SH3D19: variants seen among roughly 807,000 people sequenced by gnomAD.
SH3D19 encodes the protein SH3 domain containing 19, also known as SH3 domain-containing protein 19.
Under a neutral mutation model 112.1 loss-of-function variants are expected in SH3D19, and 58 were observed. The ratio of observed to expected loss-of-function variants is 0.52; its 90% CI spans 0.42 to 0.64. The LOEUF is 0.64. Ranked by LOEUF, SH3D19 falls within the 30% of genes least tolerant of loss-of-function variation. The pLI is 0.00. For missense variants in SH3D19, 1,090 were observed against 1,263.4 expected, an observed-to-expected ratio of 0.86 and a Z score of 2.08; for synonymous variants, 391 against 448.5, an observed-to-expected ratio of 0.87 and a Z score of 1.62.
intron 1 of SH3D19, among the ~76,000 whole-genome samples, chr4:151,264,307 T>C (rs1022205558): frequency 2.6e-5 from 4 of 151,116 alleles, no homozygotes; most frequent in African/African-American, 9.7e-5. Flanking sequence ...GGTGGGCGCC[T>C]GTAATCCCAG....
At chr4:151,215,259 A>G (rs1287813507) in intron 2 of SH3D19, among the ~76,000 whole-genome samples, 1 of 152,214 alleles carries the variant, frequency 6.6e-6, no homozygotes, top group Non-Finnish European at 1.5e-5. Context: ...TCAGTTTATA[A>G]GGCCTCTTCT....
intron 13 of SH3D19, among the ~76,000 whole-genome samples, chr4:151,138,686 TCACA>T (rs1177218801): frequency 0.066 from 3,547 of 53,964 alleles, 123 homozygotes; most frequent in African/African-American, 0.13. Context: ...AGATCTTGTC[TCACA>T]CACACACACA....
chr4:151,137,861 C>A lies in SH3D19; in HGVS notation c.2298G>T (p.Glu766Asp). Reference protein sequence around the residue: ...HAVVLHDFPAEQVDDLNLTSG... With the variant: ...HAVVLHDFPADQVDDLNLTSG... ...AAGTGAGGTTCAAATCATCAACTTG[C>A]TCTGTAATATAAAATTATAGTTATG... Residue 766 changes from glutamate (E) to aspartate (D), a missense_variant and splice_region_variant, in exon 14 of 20, where the codon GAG becomes GAT. Transcript: ENST00000604030. 2 of 1,592,314 alleles carry A rather than the reference C, an allele frequency of 1.3e-6. No individual in the cohort carries two copies. The highest frequency in any genetic ancestry group is 2.3e-5 in the South Asian group (2 of 86,496).
At chr4:151,221,852 AG>A (rs965981747) in intron 2 of SH3D19, among the ~76,000 whole-genome samples, 5 of 152,208 alleles carry the variant, frequency 3.3e-5, no homozygotes, top group African/African-American at 1.2e-4. Context: ...ACTTCACTTT[AG>A]GGTCAATAGA....
At position 151,143,966 on chromosome 4, in the gene SH3D19, G is replaced by A. The variant is rs1753464182; in HGVS notation, c.2167C>T (p.Leu723=). The stretch of plus-strand genomic sequence containing the variant: ...GGAGTGATAATCTTCATTTGAGACA[G>A]GTGAACTCTGCCAGTGTCTTCTCCC... The part of the protein sequence containing the change: ...QKGEDTGRVH[L]SQMKIITPLD... The change falls in exon 12 of 20, where the codon CTG becomes TTG. Residue 723 remains leucine (L), a synonymous_variant. Coordinates refer to ENST00000604030, the MANE Select transcript of SH3D19 (RefSeq NM_001378122.1). 1.9e-6 allele frequency: 3 copies of A among 1,614,082 alleles called. No homozygotes were observed. The highest frequency in any genetic ancestry group is 1.7e-5 in the Admixed American group (1 of 60,010).
chr4:151,157,427 TA>T (rs34435866), intron 9 of SH3D19, among the ~76,000 whole-genome samples: 29 of 146,498 alleles, frequency 2.0e-4, no homozygotes, highest in African/African-American at 4.6e-4. Context: ...ATCTAAAAGA[TA>T]AAAAAAAAAA....
chr4:151,200,687 C>T (rs1326930952), intron 2 of SH3D19, among the ~76,000 whole-genome samples: 4 of 152,116 alleles, frequency 2.6e-5, no homozygotes, highest in African/African-American at 7.2e-5. Context: ...CACGTTCAAC[C>T]TAAAAGCATG....
intron 1 of SH3D19, among the ~76,000 whole-genome samples, chr4:151,290,613 T>C (rs1775226598): frequency 6.6e-6 from 1 of 152,180 alleles, no homozygotes; most frequent in Non-Finnish European, 1.5e-5. Context: ...AAATGGGTTG[T>C]GGTGATGGTT....
chr4:151,313,975 G>A (rs1227381989), intron 1 of SH3D19, among the ~76,000 whole-genome samples: 1 of 152,162 alleles, frequency 6.6e-6, no homozygotes, highest in Non-Finnish European at 1.5e-5. Context: ...TCCACATCTT[G>A]TACAAACATT....
chr4:151,161,088 C>A (rs1259526706), intron 8 of SH3D19, among the ~76,000 whole-genome samples: 3 of 152,038 alleles, frequency 2.0e-5, no homozygotes, highest in Non-Finnish European at 4.4e-5. Flanking sequence ...CAGGGAGTAT[C>A]TGGTGTGAGT....
intron 1 of SH3D19, among the ~76,000 whole-genome samples, chr4:151,303,808 A>G (rs1301688927): frequency 6.6e-6 from 1 of 152,170 alleles, no homozygotes; most frequent in Non-Finnish European, 1.5e-5. Flanking sequence ...CAAGGTCTGA[A>G]TGAGGGGTTT....
intron 2 of SH3D19, among the ~76,000 whole-genome samples, chr4:151,221,693 A>G (rs1768082474): frequency 6.6e-6 from 1 of 152,182 alleles, no homozygotes; most frequent in East Asian, 1.9e-4. Flanking sequence ...GGGCCAGGCA[A>G]TCTACTAAGT....
intron 1 of SH3D19, among the ~76,000 whole-genome samples, chr4:151,228,470 T>C (rs963614605): frequency 1.3e-5 from 2 of 152,240 alleles, no homozygotes; most frequent in Non-Finnish European, 2.9e-5. Flanking sequence ...TAAATACATA[T>C]AAATAATGGG....
chr4:151,221,513 T>C (rs1430471244), intron 2 of SH3D19, among the ~76,000 whole-genome samples: 2 of 152,180 alleles, frequency 1.3e-5, no homozygotes, highest in Non-Finnish European at 2.9e-5. Flanking sequence ...TCCTTTCTTA[T>C]AGGGCATCAC....
chr4:151,248,123 T>G (rs6535779), intron 1 of SH3D19, among the ~76,000 whole-genome samples: 75,301 of 133,994 alleles, frequency 0.56, 19,003 homozygotes, highest in Non-Finnish European at 0.59. Context: ...ACTTTTTTTT[T>G]TTTGTTTGTT....
At chr4:151,302,940 C>T (rs1022898186) in intron 1 of SH3D19, among the ~76,000 whole-genome samples, 1 of 151,950 alleles carries the variant, frequency 6.6e-6, no homozygotes, top group Non-Finnish European at 1.5e-5. Flanking sequence ...ATGGGTGCAG[C>T]CACCAACATG....
At chr4:151,142,118 C>T (rs899402181) in intron 12 of SH3D19, among the ~76,000 whole-genome samples, 10 of 152,210 alleles carry the variant, frequency 6.6e-5, no homozygotes, top group Admixed American at 5.2e-4. Context: ...ACTGCTAATG[C>T]AAATGGTTTT....
At chr4:151,132,459 G>A in intron 16 of SH3D19, 76 bp from the exon 17 acceptor site, 1 of 1,335,752 alleles carries the variant, frequency 7.5e-7, no homozygotes, top group Admixed American at 1.9e-5. Context: ...AAAACAAATG[G>A]TTGAGGTGGG....
chr4:151,256,047 A>AGAGGGAGAGG (rs1394879553), intron 1 of SH3D19, among the ~76,000 whole-genome samples: 13 of 135,494 alleles, frequency 9.6e-5, no homozygotes, highest in African/African-American at 3.7e-4. Flanking sequence ...AGGGAGAGGG[A>AGAGGGAGAGG]GAGCCTTGAA....
Sources: allele counts gnomAD v4.1 joint callset (sites outside exome capture counted in the v4.1 genomes callset), GRCh38; gene constraint gnomAD v4.1.1; transcripts MANE v1.5; gene names NCBI Gene and HGNC (gene_info 2026-07-23, HGNC 2026-07-21).